USP6: variants seen among roughly 807,000 people sequenced by gnomAD.
USP6 encodes ubiquitin carboxyl-terminal hydrolase 6.
A neutral mutation model predicts 175.7 loss-of-function variants in USP6; 128 were observed. That is an observed-to-expected ratio of 0.73 (90% CI 0.63 to 0.84). USP6 has a LOEUF of 0.84. Among genes scored for constraint, USP6 ranks in the 40% least tolerant of loss-of-function variants. The pLI is 0.00. For missense variants in USP6, 1,498 were observed against 1,760.3 expected, an observed-to-expected ratio of 0.85 and a Z score of 2.67; for synonymous variants, 562 against 630.6, an observed-to-expected ratio of 0.89 and a Z score of 1.63.
intron 21 of USP6, chr17:5,139,050 C>T (rs769092231): frequency 3.2e-6 from 5 of 1,584,802 alleles, no homozygotes; most frequent in Admixed American, 3.4e-5. Flanking sequence ...CAGGAGCCAC[C>T]CACCATGCCC....
chr17:5,136,507 T>A (rs1191988042), intron 17 of USP6, 133 bp from the exon 18 acceptor site: 48 of 1,203,974 alleles, frequency 4.0e-5, no homozygotes, highest in Non-Finnish European at 5.0e-5. Flanking sequence ...AAAGGCCGCA[T>A]GGTAGGGTCA....
Position 5,130,614 on chromosome 17 carries a change from G to C in USP6, c.85G>C (p.Gly29Arg). 1 of 1,613,848 alleles carries C rather than the reference G, an allele frequency of 6.2e-7. No individual in the cohort carries two copies. Among genetic ancestry groups the C allele is most frequent in the Non-Finnish European group, 8.5e-7 (1 of 1,179,830 alleles). The change falls in exon 11 of 38, where the codon GGG becomes CGG. Residue 29 changes from glycine (G) to arginine (R), a missense_variant. Coordinates refer to ENST00000574788, the MANE Select transcript of USP6 (RefSeq NM_001304284.2). ...CTCTGGGTTACAGGGACACCGAGCT[G>C]GGCTGCCAGAGGACAAGGGGCCTGA... ...LMKYDKGHRA[G>R]LPEDKGPEPV...
chr17:5,117,043 C>G (rs569266969), intron 1 of USP6, among the ~76,000 whole-genome samples: 2 of 152,174 alleles, frequency 1.3e-5, no homozygotes, highest in Non-Finnish European at 2.9e-5. Context: ...AGAAAGCCTT[C>G]CCCAGCTAGG....
intron 16 of USP6, 139 bp from the exon 17 acceptor site, chr17:5,135,669 T>A (rs754087703): frequency 7.0e-5 from 110 of 1,575,542 alleles, no homozygotes; most frequent in Non-Finnish European, 7.5e-5. Context: ...TGTCATGAAA[T>A]GAATTTGCAT....
intron 1 of USP6, 53 bp from the exon 2 acceptor site, chr17:5,118,147 T>C (rs1373580883): frequency 6.6e-6 from 1 of 152,282 alleles, no homozygotes; most frequent in East Asian, 1.9e-4. Context: ...ACCATAGTCA[T>C]GTGCTCTCTC....
chr17:5,121,912 G>T (rs529682099), intron 4 of USP6, among the ~76,000 whole-genome samples, 162 bp downstream of exon 4: 1 of 152,192 alleles, frequency 6.6e-6, no homozygotes. Flanking sequence ...GTCTGATTGA[G>T]GAGCCTTGAA....
chr17:5,140,910 C>G (rs2143946178), intron 22 of USP6, among the ~76,000 whole-genome samples: 1 of 152,322 alleles, frequency 6.6e-6, no homozygotes, highest in East Asian at 1.9e-4. Flanking sequence ...GACAGTGAAT[C>G]TAGGCCTCAA....
chr17:5,131,107 CT>C (rs953037240), intron 11 of USP6, among the ~76,000 whole-genome samples: 2 of 152,184 alleles, frequency 1.3e-5, no homozygotes, highest in Non-Finnish European at 2.9e-5. Flanking sequence ...CCACCGGCCC[CT>C]GTCCTCCTCC....
Position 5,135,225 on chromosome 17 carries a change from GT to G in USP6, c.495-6del. 3 of 1,612,454 alleles carry G rather than the reference GT, an allele frequency of 1.9e-6. No individual in the cohort carries two copies. In the East Asian group the frequency reaches 6.7e-5, roughly 36 times the overall value. On this transcript the variant is annotated splice_polypyrimidine_tract_variant and splice_region_variant and intron_variant, in intron 15 of 37. Coordinates refer to ENST00000574788, the MANE Select transcript of USP6 (RefSeq NM_001304284.2). ...AACCAAACCATAGCCCCCTTTCTGT[GT>G]TTCCTAGGCAGAGGGAACTATTCTA...
intron 6 of USP6, 77 bp from the exon 7 acceptor site, chr17:5,127,427 C>T (rs2072928690): frequency 6.6e-6 from 1 of 152,264 alleles, no homozygotes; most frequent in African/African-American, 2.4e-5. Flanking sequence ...CCACTATTCT[C>T]ATACTGGTGC....
In USP6 at chr17:5,141,905, T is replaced by C. The variant is rs572720103; in HGVS notation, c.1574-98T>C. On this transcript the variant is annotated intron_variant, in intron 23 of 37. Transcript: ENST00000574788. ...ATTATTAGCACCATTTAGCTGATTA[T>C]GAGAGTTATAAAAAATCTTTTCATT... 5 of 1,504,764 alleles carry C rather than the reference T, an allele frequency of 3.3e-6. No individual in the cohort carries two copies. The South Asian group carries it at 7.0e-5, about 21-fold the overall frequency. The allele number at this position is 1,504,764 out of a possible 1,614,324, so 93.2% of individuals were successfully genotyped here.
intron 36 of USP6, 53 bp downstream of exon 36, chr17:5,170,968 G>A: frequency 6.3e-7 from 1 of 1,581,186 alleles, no homozygotes; most frequent in Non-Finnish European, 8.6e-7. Context: ...TTGTTCACTT[G>A]TCTTCATGTA....
chr17:5,132,639 T>TG lies in USP6; in HGVS notation c.195+210dup, dbSNP rs547508534. On this transcript the variant is annotated intron_variant, in intron 12 of 37. Coordinates refer to ENST00000574788, the MANE Select transcript of USP6 (RefSeq NM_001304284.2). The surrounding 1 kb of genome is among the most constrained non-coding windows in gnomAD (Gnocchi z 4.7). ...CAAAGTGAGAACCACAGTCCTGGCT[T>TG]GGGGGGTGGCTGCGCGCTTGTGTCA... 6.6e-6 allele frequency among the ~76,000 whole-genome samples: 1 copy of TG among 152,036 alleles called. No individual in the cohort carries two copies. Among genetic ancestry groups the TG allele is most frequent in the African/African-American group, 2.4e-5 (1 of 41,376 alleles).
intron 30 of USP6, among the ~76,000 whole-genome samples, chr17:5,153,578 A>G (rs1022672792): frequency 6.6e-6 from 1 of 152,090 alleles, no homozygotes. Flanking sequence ...GAGCCACCGC[A>G]TCCAGCCAGA....
chr17:5,149,295 T>C (rs913184641), intron 30 of USP6, among the ~76,000 whole-genome samples: 12 of 152,052 alleles, frequency 7.9e-5, no homozygotes, highest in African/African-American at 2.9e-4. Context: ...TTCAGCTACT[T>C]GAGAGGCTGA....
Position 5,173,020 on chromosome 17 carries a change from A to G in USP6, c.*42A>G. 1 of 1,602,808 alleles carries G rather than the reference A, an allele frequency of 6.2e-7. No homozygotes were observed. The highest frequency in any genetic ancestry group is 8.5e-7 in the Non-Finnish European group (1 of 1,171,798). ...GCTAGACAGCTTGGTGGCGAGGGAGATGACTCCTTGTAGCTGATACTTGGC... is the reference window on the plus strand; with the variant it reads ...GCTAGACAGCTTGGTGGCGAGGGAGGTGACTCCTTGTAGCTGATACTTGGC... On this transcript the variant is annotated 3_prime_UTR_variant, in exon 38 of 38. Coordinates refer to ENST00000574788, the MANE Select transcript of USP6 (RefSeq NM_001304284.2).
At chr17:5,146,505 C>T (rs1382177412) in intron 28 of USP6, among the ~76,000 whole-genome samples, 1 of 152,122 alleles carries the variant, frequency 6.6e-6, no homozygotes, top group East Asian at 1.9e-4. Context: ...CACTTCACAG[C>T]TCTTCTATAT....
intron 2 of USP6, among the ~76,000 whole-genome samples, chr17:5,118,553 C>T (rs1178516271): frequency 6.6e-6 from 1 of 152,228 alleles, no homozygotes; most frequent in East Asian, 1.9e-4. Flanking sequence ...AACAGCTCAG[C>T]TGGCCCCTAG....
chr17:5,137,798 C>T (rs775144869), intron 20 of USP6, 48 bp downstream of exon 20: 3 of 1,600,238 alleles, frequency 1.9e-6, no homozygotes, highest in Non-Finnish European at 2.6e-6. Context: ...TGCAGTCAGA[C>T]CCCGACTGGC....
Sources: allele counts gnomAD v4.1 joint callset (sites outside exome capture counted in the v4.1 genomes callset), GRCh38; gene constraint gnomAD v4.1.1; non-coding constraint Gnocchi (gnomAD v3.1); transcripts MANE v1.5; gene names NCBI Gene and HGNC (gene_info 2026-07-23, HGNC 2026-07-21).